The following OSBPL10 variants were observed in gnomAD, a reference collection of about 807,000 sequenced individuals.
The protein encoded by OSBPL10 is oxysterol binding protein like 10, also known as oxysterol-binding protein-related protein 10.
A neutral mutation model predicts 81.7 loss-of-function variants in OSBPL10; 49 were observed. The ratio of observed to expected loss-of-function variants is 0.60; its 90% confidence interval spans 0.48 to 0.76. The LOEUF (loss-of-function observed/expected upper bound fraction) is 0.76. Among genes scored for constraint, OSBPL10 ranks in the 30% least tolerant of loss-of-function variants. The probability of loss-of-function intolerance (pLI) is 0.00; values close to 1 mark genes in which losing one functional copy is unlikely to be tolerated. For missense variants in OSBPL10, 923 were observed against 987.8 expected (o/e 0.93, Z 0.88); for synonymous variants, 419 against 383.6 (o/e 1.09, Z -1.08).
intron 1 of OSBPL10, among the ~76,000 whole-genome samples, chr3:31,905,387 T>G (rs1468217133): frequency 6.8e-6 from 1 of 147,214 alleles, no homozygotes; most frequent in East Asian, 2.0e-4. Context: ...TCCCGTTCTG[T>G]CACCCAGGCT....
At chr3:31,885,225 C>G (rs2125647575) in intron 1 of OSBPL10, among the ~76,000 whole-genome samples, 1 of 152,336 alleles carries the variant, frequency 6.6e-6, no homozygotes, top group South Asian at 2.1e-4. Flanking sequence ...ATACATGCAT[C>G]TCACACACAC....
chr3:31,715,391 T>C (rs1050816535), intron 6 of OSBPL10, among the ~76,000 whole-genome samples: 1 of 152,176 alleles, frequency 6.6e-6, no homozygotes, highest in Non-Finnish European at 1.5e-5. Flanking sequence ...GTTATCTACC[T>C]GTAAGAACAG....
rs557154591 is a variant in OSBPL10, at chr3:31,817,002, C to G, written c.729+13038G>C. 4.6e-5 allele frequency among the ~76,000 whole-genome samples: 7 copies of G among 152,314 alleles called. No individual in the cohort carries two copies. The South Asian group carries it at 1.4e-3, about 32-fold the overall frequency. On this transcript the variant is annotated intron_variant, in intron 4 of 11. Coordinates refer to ENST00000396556, the MANE Select transcript of OSBPL10 (RefSeq NM_017784.5). ...TCCCATCTCTCTGCCCTCTTCGTCC[C>G]CTGGCCATCTCGTCTCTGCCCACTT... is the stretch of plus-strand genomic sequence containing the variant.
chr3:32,003,083 G>C (rs1251184188), intron 2 of OSBPL10, among the ~76,000 whole-genome samples: 1 of 152,220 alleles, frequency 6.6e-6, no homozygotes, highest in Non-Finnish European at 1.5e-5. Flanking sequence ...AGCACAGTGA[G>C]GACTTGGGCA....
intron 1 of OSBPL10, among the ~76,000 whole-genome samples, chr3:31,893,779 A>C (rs1318412658): frequency 1.3e-5 from 2 of 152,220 alleles, no homozygotes; most frequent in Non-Finnish European, 2.9e-5. Flanking sequence ...CATTCTATTT[A>C]TATAAAACGT....
At chr3:31,668,381 G>A (rs923931413) in intron 10 of OSBPL10, among the ~76,000 whole-genome samples, 2 of 152,144 alleles carry the variant, frequency 1.3e-5, no homozygotes, top group Non-Finnish European at 2.9e-5. Flanking sequence ...GATCAGATGA[G>A]TTGACAAACT....
intron 3 of OSBPL10, among the ~76,000 whole-genome samples, chr3:31,837,267 C>G (rs1023876688): frequency 2.0e-5 from 3 of 147,150 alleles, no homozygotes; most frequent in South Asian, 2.1e-4. Flanking sequence ...ACACAACACA[C>G]CTCTGAAAGT....
At chr3:31,929,732 G>C (rs1466218175) in intron 1 of OSBPL10, among the ~76,000 whole-genome samples, 1 of 146,136 alleles carries the variant, frequency 6.8e-6, no homozygotes, top group Non-Finnish European at 1.5e-5. Flanking sequence ...TGGGCGACAG[G>C]GCAAGACTCT....
At chr3:31,857,783 T>TGGGGGGAGAGACAAGGAGGTGGGGGAGA (rs1700950455) in intron 3 of OSBPL10, among the ~76,000 whole-genome samples, 2 of 758 alleles carry the variant, frequency 2.6e-3, no homozygotes, top group African/African-American at 8.3e-3. Flanking sequence ...GGCAGGGGGG[T>TGGGGGGAGAGACAAGGAGGTGGGGGAGA]GGGGGGGAGA....
intron 2 of OSBPL10, chr3:31,990,076 A>T: frequency 6.2e-7 from 1 of 1,614,016 alleles, no homozygotes; most frequent in Non-Finnish European, 8.5e-7. Flanking sequence ...TGAAAGACAT[A>T]GGAGAATTCA....
At chr3:31,965,435 T>TATATATTATATAATATAGATAATATAA (rs1559534737) in intron 1 of OSBPL10, among the ~76,000 whole-genome samples, 3 of 84,434 alleles carry the variant, frequency 3.6e-5, no homozygotes, top group African/African-American at 1.9e-4. Flanking sequence ...AGATAATATA[T>TATATATTATATAATATAGATAATATAA]AATATATATT....
intron 4 of OSBPL10, among the ~76,000 whole-genome samples, chr3:31,765,089 C>T (rs1698156208): frequency 6.6e-6 from 1 of 152,144 alleles, no homozygotes; most frequent in Non-Finnish European, 1.5e-5. Context: ...GAGATCATGG[C>T]TCACTGCAAC....
intron 2 of OSBPL10, among the ~76,000 whole-genome samples, chr3:32,014,652 A>T (rs1402533452): frequency 2.0e-5 from 3 of 152,196 alleles, no homozygotes; most frequent in Non-Finnish European, 1.5e-5. Flanking sequence ...GAGGAAGTCA[A>T]ATTGTCCCTG....
intron 1 of OSBPL10, among the ~76,000 whole-genome samples, chr3:31,969,921 A>G (rs541136941): frequency 9.0e-5 from 13 of 144,486 alleles, no homozygotes; most frequent in Middle Eastern, 3.5e-3. Context: ...GGAGAGAAAG[A>G]GTATGCGGGG....
chr3:31,863,417 A>G (rs1701105061), intron 3 of OSBPL10, among the ~76,000 whole-genome samples: 1 of 152,230 alleles, frequency 6.6e-6, no homozygotes, highest in Non-Finnish European at 1.5e-5. Flanking sequence ...ACTTTAAAAA[A>G]GTAAACTTTA....
chr3:31,663,546 T>A, intron 11 of OSBPL10: 1 of 1,002,784 alleles, frequency 1.0e-6, no homozygotes, highest in Non-Finnish European at 1.2e-6. Flanking sequence ...AGTGTCACAT[T>A]TGCAGGTGAC....
intron 2 of OSBPL10, among the ~76,000 whole-genome samples, chr3:32,008,321 T>G (rs1355826142): frequency 7.6e-5 from 10 of 131,818 alleles, no homozygotes; most frequent in East Asian, 2.5e-4. Flanking sequence ...CTCAGCTAAT[T>G]TTTGTTTTTT....
intron 6 of OSBPL10, among the ~76,000 whole-genome samples, chr3:31,726,867 T>A: frequency 6.8e-6 from 1 of 147,128 alleles, no homozygotes; most frequent in South Asian, 2.1e-4. Context: ...TTGCTGAGAC[T>A]GGATCTCACT....
chr3:31,674,731 G>A (rs972918691), intron 8 of OSBPL10, among the ~76,000 whole-genome samples: 1 of 152,326 alleles, frequency 6.6e-6, no homozygotes, highest in East Asian at 1.9e-4. Context: ...TGTAGCCTGA[G>A]GCCCTCGTCA....
Sources: gnomAD v4.1 joint callset for allele counts (sites outside exome capture counted in the v4.1 genomes callset) on GRCh38, gnomAD v4.1.1 for gene constraint, MANE v1.5 for transcripts, NCBI Gene and HGNC (gene_info 2026-07-23, HGNC 2026-07-21) for gene names.